PLA2G3: variants seen among roughly 807,000 people sequenced by gnomAD.
PLA2G3 encodes the protein group 3 secretory phospholipase A2.
PLA2G3 carries 39 observed loss-of-function variants against 51.3 expected under a neutral mutation model. The ratio of observed to expected loss-of-function variants is 0.76; its 90% CI spans 0.59 to 0.99. The LOEUF is 0.99. PLA2G3 is among the 50% of genes least tolerant of loss of function. The pLI, the probability that PLA2G3 is intolerant of heterozygous loss-of-function variation, is 0.00. For missense variants in PLA2G3, 677 were observed against 662.1 expected (o/e 1.02, Z -0.25); for synonymous variants, 293 against 263.1 (o/e 1.11, Z -1.10).
rs1922653681 is a variant in PLA2G3 at position 31,137,666 on chromosome 22, AC to A, written c.1066+43del. The A allele has an allele frequency of 2.0e-6, 3 of 1,525,012 alleles. No homozygotes were observed. The East Asian group carries it at 6.8e-5, about 35-fold the overall frequency. 94.5% of individuals were successfully genotyped at this position (1,525,012 alleles called of 1,614,324 possible). On this transcript the variant is annotated intron_variant, in intron 4 of 6. Transcript: ENST00000215885. ...GCCACCCCTAAACAGAAGCAGGGAC[AC>A]CCCCTCATGTCAGGAACCCCCAAGG...
intron 4 of PLA2G3, 125 bp from the exon 5 acceptor site, chr22:31,137,165 T>G: frequency 9.6e-7 from 1 of 1,036,956 alleles, no homozygotes; most frequent in African/African-American, 1.6e-5. Context: ...CTCCATTTCA[T>G]GCCTTCTGAG....
rs765029847 is a variant in PLA2G3 at position 31,138,759 on chromosome 22, G to C, written c.555C>G (p.Asp185Glu). 48 of 1,613,998 alleles carry C rather than the reference G, an allele frequency of 3.0e-5. No individual in the cohort carries two copies. Among genetic ancestry groups the C allele is most frequent in the Non-Finnish European group, 4.1e-5 (48 of 1,179,996 alleles). ...QGPDLCCREH[D>E]RCPQNISPLQ... is the part of the protein sequence containing the mutation. The stretch of plus-strand genomic sequence containing the variant: ...AGGGTGAGATGTTCTGTGGGCAGCG[G>C]TCATGTTCCCGGCAACAGAGATCAG... Residue 185 changes from aspartate (D) to glutamate (E), a missense_variant, in exon 2 of 7, where the codon GAC becomes GAG. Physicochemically the swap from Asp to Glu is conservative, Grantham distance 45. Coordinates refer to ENST00000215885, the MANE Select transcript of PLA2G3 (RefSeq NM_015715.5).
At position 31,137,827 on chromosome 22, in the gene PLA2G3, C is replaced by A. The variant is rs752042690; in HGVS notation, c.949G>T (p.Gly317Trp). ...TTGGCTTTGCTGGGGCGCTTGGACC[C>A]TTTCTGATGTGGTGGCCCCTTCCGA... is the stretch of plus-strand genomic sequence containing the variant. ...HLRKGPPHQK[G>W]SKRPSKANTT... Residue 317 changes from glycine (G) to tryptophan (W), a missense_variant, in exon 4 of 7, where the codon GGG becomes TGG. By Grantham distance (184) the Gly-to-Trp change is radical. Transcript: ENST00000215885. The A allele has an allele frequency of 2.2e-5, 35 of 1,613,994 alleles. No individual in the cohort carries two copies. Among genetic ancestry groups the A allele is most frequent in the Non-Finnish European group, 2.9e-5 (34 of 1,180,010 alleles).
rs1922502325 is a variant in PLA2G3, at chr22:31,135,417, T to C, written c.*306A>G. On this transcript the variant is annotated 3_prime_UTR_variant, in exon 7 of 7. Coordinates refer to ENST00000215885, the MANE Select transcript of PLA2G3 (RefSeq NM_015715.5). ...TGGGGCTGCTGCAATAAGTTACCCT[T>C]TCCCCATTCTCATCTGTATGTGAAG... 4 of 406,022 alleles carry C rather than the reference T, an allele frequency of 9.9e-6. No individual in the cohort carries two copies. The highest frequency in any genetic ancestry group is 1.8e-5 in the Non-Finnish European group (4 of 222,530). The allele number at this position is 406,022 out of a possible 1,614,324, so 25.2% of individuals were successfully genotyped here.
At position 31,136,987 on chromosome 22, in the gene PLA2G3, G is replaced by A; in HGVS notation, c.1120C>T (p.Gln374Ter). 6.4e-7 allele frequency: 1 copy of A among 1,569,750 alleles called. No individual in the cohort carries two copies. Among genetic ancestry groups the A allele is most frequent in the Non-Finnish European group, 8.6e-7 (1 of 1,157,878 alleles). Residue 374 changes from glutamine to a stop codon, truncating the protein, a stop_gained, in exon 5 of 7, where the codon CAG (glutamine) becomes TAG (stop). Transcript: ENST00000215885. LOFTEE classifies it high-confidence loss of function. ...FRRHLDQCEH[Q>*]IGPREIEFQL... is the part of the protein sequence containing the mutation. ...AACTCGATTTCCCGGGGCCCAATCT[G>A]GTGCTCACACTGGTCCAGGTGGCGG...
chr22:31,137,946 G>A lies in PLA2G3; in HGVS notation c.830C>T (p.Thr277Ile). 2 of 1,605,242 alleles carry A rather than the reference G, an allele frequency of 1.2e-6. No homozygotes were observed. The highest frequency in any genetic ancestry group is 1.7e-6 in the Non-Finnish European group (2 of 1,176,170). The change falls in exon 4 of 7, where the codon ACC becomes ATC. Residue 277 changes from threonine to isoleucine, a missense_variant. Transcript: ENST00000215885. ...GGAGCTCCAGGAGGCATTGTAGAAG[G>A]TCCTGGGCTGCAGGCGAGCGAGGGG... ...TVPLARLQPR[T>I]FYNASWSSRA...
chr22:31,138,264 G>A lies in PLA2G3; in HGVS notation c.782+12C>T, dbSNP rs375959520. On this transcript the variant is annotated intron_variant, in intron 3 of 6. Coordinates refer to ENST00000215885, the MANE Select transcript of PLA2G3 (RefSeq NM_015715.5). ...TCTGTCTGGAAAGGGACATGAGGGG[G>A]TGGCCACGTACCCGCCCCACCAGTA... 2.5e-6 allele frequency: 4 copies of A among 1,612,346 alleles called. No homozygotes were observed. The highest frequency in any genetic ancestry group is 1.7e-4 in the Middle Eastern group (1 of 5,838).
rs764521536 is a variant in PLA2G3 at position 31,139,941 on chromosome 22, T to C, written c.414A>G (p.Gly138=). The change falls in exon 1 of 7, where the codon GGA becomes GGG. Residue 138 remains glycine, a synonymous_variant. Coordinates refer to ENST00000215885, the MANE Select transcript of PLA2G3 (RefSeq NM_015715.5). ...CTCGCTGGTGCCCTCCACCAGGGAC[T>C]CCACTCTGCCCTGCTGCTCGCTTCT... The part of the protein sequence containing the change: ...ARKKRAAGQS[G]VPGGGHQREK... The C allele has an allele frequency of 6.2e-7, 1 of 1,613,886 alleles. No homozygotes were observed. The highest frequency in any genetic ancestry group is 8.5e-7 in the Non-Finnish European group (1 of 1,179,942).
intron 2 of PLA2G3, 68 bp downstream of exon 2, chr22:31,138,599 T>C (rs1275117233): frequency 5.1e-6 from 8 of 1,581,084 alleles, no homozygotes; most frequent in Admixed American, 1.7e-5. Flanking sequence ...TCCCAATGTC[T>C]AGTTACCCAG....
Position 31,135,615 on chromosome 22 carries a change from C to A in PLA2G3, c.*108G>T. ...TCATCCTCTTGATTGTCCACAACAG[C>A]CTCTGCCATGCTTCAGTCTAACCTA... On this transcript the variant is annotated 3_prime_UTR_variant, in exon 7 of 7. Transcript: ENST00000215885. 1 of 806,024 alleles carries A rather than the reference C, an allele frequency of 1.2e-6. No homozygotes were observed. Among genetic ancestry groups the A allele is most frequent in the South Asian group, 1.6e-5 (1 of 63,268 alleles). The allele number at this position is 806,024 out of a possible 1,614,324, so 49.9% of individuals were successfully genotyped here.
chr22:31,138,862 A>C, intron 1 of PLA2G3, 63 bp from the exon 2 acceptor site: 1 of 1,566,136 alleles, frequency 6.4e-7, no homozygotes, highest in South Asian at 1.1e-5. Flanking sequence ...TGCACCAGCT[A>C]TGCCCCCCTG....
rs1481139287 is a variant in PLA2G3, at chr22:31,140,274, G to A, written c.81C>T (p.Tyr27=). Residue 27 remains tyrosine (Y), a synonymous_variant, in exon 1 of 7, where the codon TAC becomes TAT. Transcript: ENST00000215885. ...ALGGSPALRW[Y]RTSCHLTKAV... is the part of the protein sequence containing the mutation. Reference sequence around the variant, plus strand: ...CCTTGGTCAAGTGGCAGGAGGTCCTGTACCAGCGGAGGGCAGGGGAGCCCC... The same window carrying A: ...CCTTGGTCAAGTGGCAGGAGGTCCTATACCAGCGGAGGGCAGGGGAGCCCC... 2.5e-6 allele frequency: 4 copies of A among 1,612,166 alleles called. No homozygotes were observed. The highest frequency in any genetic ancestry group is 2.5e-6 in the Non-Finnish European group (3 of 1,179,916).
At chr22:31,139,765 G>A (rs1468928242) in intron 1 of PLA2G3, 76 bp downstream of exon 1, 1 of 1,003,870 alleles carries the variant, frequency 1.0e-6, no homozygotes, top group Non-Finnish European at 1.5e-6. Flanking sequence ...CACAGCCTAG[G>A]AGAGTAAGGG....
chr22:31,135,877 T>A lies in PLA2G3; in HGVS notation c.1376A>T (p.Gln459Leu), dbSNP rs138699696. 1.2e-6 allele frequency: 2 copies of A among 1,613,898 alleles called. No homozygotes were observed. Among genetic ancestry groups the A allele is most frequent in the Non-Finnish European group, 1.7e-6 (2 of 1,180,036 alleles). Reference protein sequence around the residue: ...VSARHLRRLQQRRHQLQDKGT... With the variant: ...VSARHLRRLQLRRHQLQDKGT... ...TTTATCCTGGAGCTGGTGTCGCCTCTGCTGAAGCCTCCGCAAGTGCCGGGC... is the reference window on the plus strand; with the variant it reads ...TTTATCCTGGAGCTGGTGTCGCCTCAGCTGAAGCCTCCGCAAGTGCCGGGC... The change falls in exon 7 of 7, where the codon CAG becomes CTG. Residue 459 changes from glutamine (Q) to leucine (L), a missense_variant. Gln to Leu is a moderately radical substitution (Grantham distance 113, BLOSUM62 -2). Transcript: ENST00000215885.
rs556762951 is a variant in PLA2G3 at position 31,140,181 on chromosome 22, G to C, written c.174C>G (p.Ile58Met). Residue 58 changes from isoleucine (I) to methionine (M), a missense_variant, in exon 1 of 7, where the codon ATC becomes ATG. Physicochemically the swap from Ile to Met is conservative, Grantham distance 10 (BLOSUM62 1). Coordinates refer to ENST00000215885, the MANE Select transcript of PLA2G3 (RefSeq NM_015715.5). ...TCCTATGCGCATCCCAGCGGGCATG[G>C]ATCAGGGCCAGTCCCTGAGCATCCT... is the stretch of plus-strand genomic sequence containing the variant. ...LAKDAQGLALIHARWDAHRRL... is the reference protein window; with the variant it reads ...LAKDAQGLALMHARWDAHRRL... 6.2e-7 allele frequency: 1 copy of C among 1,612,618 alleles called. No homozygotes were observed. Among genetic ancestry groups the C allele is most frequent in the Admixed American group, 1.7e-5 (1 of 60,022 alleles).
intron 3 of PLA2G3, 28 bp from the exon 4 acceptor site, chr22:31,138,021 G>C: frequency 6.6e-7 from 1 of 1,525,924 alleles, no homozygotes; most frequent in Non-Finnish European, 8.7e-7. Flanking sequence ...GTGGAAATTG[G>C]TGACTGGGAA....
In PLA2G3 at chr22:31,135,939, G is replaced by C. The variant is rs756631308; in HGVS notation, c.1317-3C>G. The C allele has an allele frequency of 6.2e-7, 1 of 1,611,760 alleles. No individual in the cohort carries two copies. The highest frequency in any genetic ancestry group is 1.3e-5 in the African/African-American group (1 of 74,910). On this transcript the variant is annotated splice_polypyrimidine_tract_variant and splice_region_variant and intron_variant, in intron 6 of 6. Transcript: ENST00000215885. ...TGGCCCTAGGGTCTCTGGAACAGCT[G>C]TAAGGAGAGAAGAGTGGGGCAGATG...
Position 31,139,887 on chromosome 22 carries a change from T to C in PLA2G3, c.468A>G (p.Thr156=), listed in dbSNP as rs1204583697. 6.2e-7 allele frequency: 1 copy of C among 1,613,748 alleles called. No individual in the cohort carries two copies. Among genetic ancestry groups the C allele is most frequent in the Admixed American group, 1.7e-5 (1 of 59,994 alleles). Residue 156 remains threonine, a synonymous_variant, in exon 1 of 7, where the codon ACA becomes ACG. Coordinates refer to ENST00000215885, the MANE Select transcript of PLA2G3 (RefSeq NM_015715.5). ...REKRGWTMPG[T]LWCGVGDSAG... ...CAGAATCTCCAACTCCACACCACAG[T>C]GTGCCAGGCATGGTCCATCCTCTCT...
Position 31,140,384 on chromosome 22 carries a change from G to GC in PLA2G3, c.-31dup, listed in dbSNP as rs1212263779. ...CACTGGCCCAGTCCAGTCAGACAAA[G>GC]CCCCTGGGATGCCTGCCCTTGGTGG... is the stretch of plus-strand genomic sequence containing the variant. On this transcript the variant is annotated 5_prime_UTR_variant, in exon 1 of 7. Transcript: ENST00000215885. The GC allele has an allele frequency of 1.3e-6, 2 of 1,527,624 alleles. No individual in the cohort carries two copies. Among genetic ancestry groups the GC allele is most frequent in the South Asian group, 1.3e-5 (1 of 79,168 alleles). 94.6% of individuals were successfully genotyped at this position (1,527,624 alleles called of 1,614,324 possible).
Sources: gnomAD v4.1 joint callset for allele counts on GRCh38, gnomAD v4.1.1 for gene constraint, MANE v1.5 for transcripts, NCBI Gene and HGNC (gene_info 2026-07-23, HGNC 2026-07-21) for gene names.